GPHN: variants seen among roughly 807,000 people sequenced by gnomAD.
GPHN encodes gephyrin.
A neutral mutation model predicts 95.5 loss-of-function variants in GPHN; 17 were observed. That is an observed-to-expected ratio of 0.18 (90% CI 0.12 to 0.27). The LOEUF (loss-of-function observed/expected upper bound fraction) is 0.27. GPHN is among the 10% of genes least tolerant of loss of function. GPHN has a pLI of 1.00. For missense variants in GPHN, 660 were observed against 978.1 expected, an observed-to-expected ratio of 0.67 and a Z score of 4.34; for synonymous variants, 320 against 322.5, an observed-to-expected ratio of 0.99 and a Z score of 0.08.
chr14:67,179,751 T>C, intron 22 of GPHN, 77 bp downstream of exon 22: 1 of 814,152 alleles, frequency 1.2e-6, no homozygotes, highest in Non-Finnish European at 2.2e-6. Context: ...TCTTCCTTGG[T>C]TATGACTGAT....
chr14:67,160,227 T>G (rs1338625472), intron 19 of GPHN, among the ~76,000 whole-genome samples: 3 of 152,224 alleles, frequency 2.0e-5, no homozygotes, highest in Non-Finnish European at 4.4e-5. Flanking sequence ...GGATCATGTT[T>G]CCTGATGAAT....
the GPHN span, among the ~76,000 whole-genome samples, chr14:67,355,437 A>C: frequency 7.2e-6 from 1 of 139,750 alleles, no homozygotes; most frequent in Non-Finnish European, 1.5e-5. Flanking sequence ...ATGTAGAAGT[A>C]AGACCCTGTC....
intron 1 of GPHN, among the ~76,000 whole-genome samples, chr14:66,570,759 T>C (rs1246359829): frequency 6.6e-6 from 1 of 152,200 alleles, no homozygotes; most frequent in Admixed American, 6.5e-5. Flanking sequence ...TTCATTTTCT[T>C]CTCATCCTCA....
intron 1 of GPHN, among the ~76,000 whole-genome samples, chr14:66,531,190 C>G (rs894402829): frequency 5.3e-5 from 8 of 152,120 alleles, no homozygotes; most frequent in African/African-American, 1.9e-4. Flanking sequence ...AGGTGATCCA[C>G]CCGCCTTAGC....
chr14:66,797,078 T>C (rs2060186060), intron 3 of GPHN, among the ~76,000 whole-genome samples: 1 of 146,066 alleles, frequency 6.8e-6, no homozygotes, highest in Non-Finnish European at 1.5e-5. Flanking sequence ...GCACCATTCA[T>C]TGAAGAAAGA....
At chr14:67,149,249 C>A (rs956475934) in intron 18 of GPHN, among the ~76,000 whole-genome samples, 1 of 152,152 alleles carries the variant, frequency 6.6e-6, no homozygotes. Context: ...GAGGCTGAGG[C>A]AGGAGAACCA....
At chr14:67,161,209 G>A (rs368980184) in intron 19 of GPHN, among the ~76,000 whole-genome samples, 4 of 152,024 alleles carry the variant, frequency 2.6e-5, no homozygotes, top group Admixed American at 6.5e-5. Context: ...CTGAAGAATC[G>A]CTTGAGCTGG....
chr14:67,562,082 G>A, the GPHN span: 3 of 1,604,580 alleles, frequency 1.9e-6, no homozygotes, highest in Non-Finnish European at 1.7e-6. Context: ...TGTTTGGTGG[G>A]TATGGGGCTG....
At chr14:67,569,209 A>G in the GPHN span, 1 of 1,610,210 alleles carries the variant, frequency 6.2e-7, no homozygotes, top group Non-Finnish European at 8.5e-7. Flanking sequence ...GTAATACTGC[A>G]TGCTGCGGTG....
At chr14:67,093,419 G>T (rs1344961528) in intron 12 of GPHN, among the ~76,000 whole-genome samples, 1 of 151,922 alleles carries the variant, frequency 6.6e-6, no homozygotes, top group Non-Finnish European at 1.5e-5. Context: ...TCATATTTCA[G>T]GGCTTTTGTT....
At chr14:66,567,150 A>G (rs1489489784) in intron 1 of GPHN, among the ~76,000 whole-genome samples, 1 of 152,170 alleles carries the variant, frequency 6.6e-6, no homozygotes, top group Non-Finnish European at 1.5e-5. Flanking sequence ...GATGAATAAG[A>G]AAACAGAAGC....
chr14:66,871,621 A>G (rs531944316), intron 4 of GPHN, among the ~76,000 whole-genome samples: 1 of 152,312 alleles, frequency 6.6e-6, no homozygotes, highest in African/African-American at 2.4e-5. Flanking sequence ...TAAAGATTGG[A>G]TAATGACATG....
chr14:67,545,521 C>T, the GPHN span, among the ~76,000 whole-genome samples: 25 of 151,860 alleles, frequency 1.6e-4, no homozygotes, highest in Non-Finnish European at 3.4e-4. Context: ...CAGATAGGGA[C>T]AAGAAAATAA....
In GPHN at chr14:66,508,295, G is replaced by C; in HGVS notation, c.-233G>C. 1 of 587,456 alleles carries C rather than the reference G, an allele frequency of 1.7e-6. No individual in the cohort carries two copies. 36.4% of individuals were successfully genotyped at this position (587,456 alleles called of 1,614,324 possible). A position where few individuals can be genotyped will look rare whatever the true frequency, so the allele number is the denominator to read the frequency against. On this transcript the variant is annotated 5_prime_UTR_variant, in exon 1 of 23. Coordinates refer to ENST00000478722, the MANE Select transcript of GPHN (RefSeq NM_020806.5). ...AGCTTGCCTCCTTCTTGCCGGACTTGGGGCCGCGCGCCCTGACTCCTTCCC... is the reference window on the plus strand; with the variant it reads ...AGCTTGCCTCCTTCTTGCCGGACTTCGGGCCGCGCGCCCTGACTCCTTCCC...
At chr14:67,707,451 T>A in the GPHN span, among the ~76,000 whole-genome samples, 5 of 152,170 alleles carry the variant, frequency 3.3e-5, no homozygotes, top group African/African-American at 1.2e-4. Flanking sequence ...TTTTTTGAGA[T>A]GGAGTCTCAC....
At chr14:67,562,548 C>G in the GPHN span, 17 of 1,609,002 alleles carry the variant, frequency 1.1e-5, no homozygotes, top group Non-Finnish European at 1.4e-5. Context: ...GAAGGTGGTC[C>G]TGGCAGCAGT....
intron 18 of GPHN, among the ~76,000 whole-genome samples, chr14:67,148,638 G>A (rs1321828012): frequency 7.2e-6 from 1 of 139,682 alleles, no homozygotes; most frequent in Non-Finnish European, 1.5e-5. Flanking sequence ...TCGGCTCACT[G>A]CAAGCTCCGC....
At chr14:67,496,388 G>A in the GPHN span, among the ~76,000 whole-genome samples, 1 of 54,664 alleles carries the variant, frequency 1.8e-5, no homozygotes, top group Non-Finnish European at 4.3e-5. Flanking sequence ...CCACTGCTCC[G>A]GCGTTTTTTT....
At chr14:66,640,528 GT>G (rs1215391635) in intron 1 of GPHN, among the ~76,000 whole-genome samples, 1 of 152,130 alleles carries the variant, frequency 6.6e-6, no homozygotes, top group Non-Finnish European at 1.5e-5. Context: ...TTACTTAACA[GT>G]TTTTTTATCC....
Sources: gnomAD v4.1 joint callset for allele counts (sites outside exome capture counted in the v4.1 genomes callset) on GRCh38, gnomAD v4.1.1 for gene constraint, MANE v1.5 for transcripts, NCBI Gene and HGNC (gene_info 2026-07-23, HGNC 2026-07-21) for gene names.